The following GSTA2 variants were observed in gnomAD, a reference collection of about 807,000 sequenced individuals.
The protein encoded by GSTA2 is glutathione S-transferase A2.
GSTA2 carries 27 observed loss-of-function variants against 22.4 expected under a neutral mutation model. That is an observed-to-expected ratio of 1.21 (90% CI 0.89 to 1.67). The LOEUF (loss-of-function observed/expected upper bound fraction) is 1.67, where lower values mean the gene tolerates loss of function less well. Among genes scored for constraint, GSTA2 ranks in the 40% most tolerant of loss-of-function variants. The pLI is 0.00. For synonymous variants in GSTA2, 121 were observed against 86.8 expected (o/e 1.39, Z -2.19); for missense variants, 302 against 260.2 (o/e 1.16, Z -1.11).
At position 52,750,583 on chromosome 6, in the gene GSTA2, C is replaced by T; in HGVS notation, c.663G>A (p.Arg221=). ...KSLEESRKIF[R]F Reference sequence around the variant, plus strand: ...GACCTCTATGGCTGGTTTATTAAAACCTGAAAATCTTCCTTGATTCTTCTA... The same window carrying T: ...GACCTCTATGGCTGGTTTATTAAAATCTGAAAATCTTCCTTGATTCTTCTA... Residue 221 remains arginine (R), a synonymous_variant, in exon 7 of 7, where the codon AGG becomes AGA. Coordinates refer to ENST00000493422, the MANE Select transcript of GSTA2 (RefSeq NM_000846.5). 1 of 1,613,720 alleles carries T rather than the reference C, an allele frequency of 6.2e-7. No individual in the cohort carries two copies. Among genetic ancestry groups the T allele is most frequent in the Non-Finnish European group, 8.5e-7 (1 of 1,179,828 alleles).
intron 5 of GSTA2, 93 bp from the exon 6 acceptor site, chr6:52,751,801 C>T (rs1349948631): frequency 2.5e-6 from 4 of 1,569,250 alleles, no homozygotes; most frequent in Non-Finnish European, 1.8e-6. Flanking sequence ...ACTTTCCCCA[C>T]CTCTGTTGCC....
At chr6:52,753,059 A>T in intron 4 of GSTA2, 64 bp from the exon 5 acceptor site, 5 of 1,492,158 alleles carry the variant, frequency 3.4e-6, no homozygotes, top group Non-Finnish European at 4.5e-6. Context: ...GGTTTATAAA[A>T]ACCTAAGAGA....
chr6:52,754,011 CAT>C (rs1396979950), intron 4 of GSTA2, among the ~76,000 whole-genome samples: 1 of 152,162 alleles, frequency 6.6e-6, no homozygotes, highest in Non-Finnish European at 1.5e-5. Context: ...TTTTATGTAA[CAT>C]GTCTTTATGG....
intron 4 of GSTA2, among the ~76,000 whole-genome samples, chr6:52,754,193 G>A (rs181612138): frequency 1.3e-5 from 2 of 152,176 alleles, no homozygotes; most frequent in East Asian, 3.9e-4. Context: ...ATTCACTTAT[G>A]TAAAATATAT....
chr6:52,752,390 T>C (rs1366054230), intron 5 of GSTA2, among the ~76,000 whole-genome samples: 1 of 152,192 alleles, frequency 6.6e-6, no homozygotes, highest in African/African-American at 2.4e-5. Flanking sequence ...ACAGTCACTC[T>C]CCTTTTAAAA....
intron 1 of GSTA2, among the ~76,000 whole-genome samples, chr6:52,760,328 T>C (rs1344014214): frequency 1.3e-5 from 2 of 152,194 alleles, no homozygotes; most frequent in East Asian, 1.9e-4. Context: ...ACATATCACT[T>C]CCTCAATGTG....
chr6:52,758,889 C>A (rs1434984881), intron 1 of GSTA2, among the ~76,000 whole-genome samples: 1 of 152,110 alleles, frequency 6.6e-6, no homozygotes, highest in Admixed American at 6.6e-5. Context: ...ACAAAAATTA[C>A]CTAAGGTTAA....
At chr6:52,760,909 T>C (rs1762940122) in intron 1 of GSTA2, among the ~76,000 whole-genome samples, 3 of 152,120 alleles carry the variant, frequency 2.0e-5, no homozygotes, top group Non-Finnish European at 4.4e-5. Flanking sequence ...TTTACATCAA[T>C]TAAAAAATGG....
Position 52,752,862 on chromosome 6 carries a change from A to C in GSTA2, c.406T>G (p.Phe136Val). Residue 136 changes from phenylalanine (F) to valine (V), a missense_variant, in exon 5 of 7, where the codon TTT (phenylalanine) becomes GTT (valine). Phe to Val is a conservative substitution (Grantham distance 50). Coordinates refer to ENST00000493422, the MANE Select transcript of GSTA2 (RefSeq NM_000846.5). Reference sequence around the variant, plus strand: ...TGAACAGCTTCACTTACTTTTTCAAAGGCAGGGAAGTAGCGATTTTTTGTT... The same window carrying C: ...TGAACAGCTTCACTTACTTTTTCAACGGCAGGGAAGTAGCGATTTTTTGTT... Reference protein sequence around the residue: ...EKTKNRYFPAFEKVLKSHGQD... With the variant: ...EKTKNRYFPAVEKVLKSHGQD... 1 of 1,613,810 alleles carries C rather than the reference A, an allele frequency of 6.2e-7. No individual in the cohort carries two copies. The highest frequency in any genetic ancestry group is 8.5e-7 in the Non-Finnish European group (1 of 1,179,802).
intron 1 of GSTA2, among the ~76,000 whole-genome samples, chr6:52,762,259 T>C (rs1290717639): frequency 2.0e-5 from 3 of 152,040 alleles, no homozygotes; most frequent in Non-Finnish European, 4.4e-5. Flanking sequence ...AAACGGTCTG[T>C]GCTGAGGAGG....
chr6:52,754,241 G>C (rs923344224), intron 4 of GSTA2, among the ~76,000 whole-genome samples: 1 of 152,180 alleles, frequency 6.6e-6, no homozygotes, highest in South Asian at 2.1e-4. Flanking sequence ...GGATATACTT[G>C]TTAGAGGAAC....
intron 1 of GSTA2, among the ~76,000 whole-genome samples, chr6:52,761,115 T>G (rs2608630): frequency 1.3e-5 from 2 of 151,760 alleles, no homozygotes; most frequent in African/African-American, 4.8e-5. Flanking sequence ...TCTTCTTAGA[T>G]TAGAGATAGT....
intron 1 of GSTA2, among the ~76,000 whole-genome samples, chr6:52,760,572 G>C (rs1762934578): frequency 6.6e-6 from 1 of 152,146 alleles, no homozygotes; most frequent in African/African-American, 2.4e-5. Context: ...TAAAGCACCT[G>C]TCTCATGCTG....
At chr6:52,756,824 C>G (rs545052539) in intron 2 of GSTA2, among the ~76,000 whole-genome samples, 1 of 152,378 alleles carries the variant, frequency 6.6e-6, no homozygotes, top group African/African-American at 2.4e-5. Context: ...ACAGCTTTCA[C>G]ACTTGCAACT....
At chr6:52,760,735 G>C (rs181879154) in intron 1 of GSTA2, among the ~76,000 whole-genome samples, 2 of 152,282 alleles carry the variant, frequency 1.3e-5, no homozygotes, top group Admixed American at 1.3e-4. Context: ...GTTGGAAGGA[G>C]AGGGCGAGAG....
Position 52,756,368 on chromosome 6 carries a change from A to C in GSTA2, c.88-59T>G, listed in dbSNP as rs73740535. The stretch of plus-strand genomic sequence containing the variant: ...GTTCATTCTATTATAGACCTGTGAA[A>C]TTGAATGGCCTCTATCTGGTGCATC... On this transcript the variant is annotated intron_variant, in intron 2 of 6. Coordinates refer to ENST00000493422, the MANE Select transcript of GSTA2 (RefSeq NM_000846.5). 5,331 of 1,323,572 alleles carry C rather than the reference A, an allele frequency of 4.0e-3. 166 individuals carry two copies. The African/African-American group carries it at 0.064, about 16-fold the overall frequency. The allele number at this position is 1,323,572 out of a possible 1,614,324, so 82.0% of individuals were successfully genotyped here.
At chr6:52,756,006 C>A (rs1581774277) in intron 3 of GSTA2, among the ~76,000 whole-genome samples, 1 of 152,134 alleles carries the variant, frequency 6.6e-6, no homozygotes, top group Admixed American at 6.5e-5. Context: ...AGCATGAAAA[C>A]AAAGAAAGGG....
chr6:52,750,489 G>C lies in GSTA2; in HGVS notation c.*88C>G. Reference sequence around the variant, plus strand: ...AAAGAGTTCATTAGCTTCACAACAGGCACAATCAACACTTAGGTAAAGCAC... The same window carrying C: ...AAAGAGTTCATTAGCTTCACAACAGCCACAATCAACACTTAGGTAAAGCAC... On this transcript the variant is annotated 3_prime_UTR_variant, in exon 7 of 7. Coordinates refer to ENST00000493422, the MANE Select transcript of GSTA2 (RefSeq NM_000846.5). The C allele has an allele frequency of 8.0e-7, 1 of 1,253,598 alleles. No homozygotes were observed. Among genetic ancestry groups the C allele is most frequent in the Non-Finnish European group, 1.1e-6 (1 of 877,264 alleles). 77.7% of individuals were successfully genotyped at this position (1,253,598 alleles called of 1,614,324 possible). A position where few individuals can be genotyped will look rare whatever the true frequency, so the allele number is the denominator to read the frequency against.
intron 6 of GSTA2, among the ~76,000 whole-genome samples, chr6:52,750,989 A>G (rs1762725610): frequency 6.6e-6 from 1 of 152,250 alleles, no homozygotes; most frequent in African/African-American, 2.4e-5. Context: ...GACAAGAAAA[A>G]CTAATGTGCT....
Sources: allele counts gnomAD v4.1 joint callset (sites outside exome capture counted in the v4.1 genomes callset), GRCh38; gene constraint gnomAD v4.1.1; transcripts MANE v1.5; gene names NCBI Gene and HGNC (gene_info 2026-07-23, HGNC 2026-07-21).